CYSLTR1: variants seen among roughly 807,000 people sequenced by gnomAD.
CYSLTR1 encodes the protein cysteinyl leukotriene receptor 1.
Under a neutral mutation model 2.1 loss-of-function variants are expected in CYSLTR1, and 1 was observed. The observed-to-expected ratio is 0.48, with a 90% confidence interval of 0.17 to 2.28. The LOEUF is 2.28. Ranked by LOEUF, CYSLTR1 falls within the 30% of genes most tolerant of loss-of-function variation. CYSLTR1 has a pLI of 0.26. For synonymous variants in CYSLTR1, 110 were observed against 89.6 expected (o/e 1.23, Z -1.28); for missense variants, 299 against 250.1 (o/e 1.20, Z -1.32).
At chrX:78,320,277 A>G (rs1425367621) in intron 1 of CYSLTR1, 2 of 111,633 alleles carry the variant, frequency 1.8e-5, no homozygotes, top group Non-Finnish European at 3.8e-5. Flanking sequence ...ATCTTGAATT[A>G]ATTTTTGTAT....
chrX:78,277,806 T>C (rs1462323359), intron 2 of CYSLTR1, among the ~76,000 whole-genome samples: 1 of 112,004 alleles, frequency 8.9e-6, no homozygotes, highest in African/African-American at 3.2e-5. Flanking sequence ...TAAAGGTACA[T>C]CAGCCTACAC....
intron 1 of CYSLTR1, among the ~76,000 whole-genome samples, chrX:78,288,910 T>C (rs1363076298): frequency 1.8e-5 from 2 of 109,849 alleles, no homozygotes; most frequent in East Asian, 5.7e-4. Flanking sequence ...TATCCATGAG[T>C]TAAATTGTTT....
At chrX:78,275,339 A>T (rs999768465) in intron 2 of CYSLTR1, among the ~76,000 whole-genome samples, 5 of 112,078 alleles carry the variant, frequency 4.5e-5, no homozygotes, top group African/African-American at 1.6e-4. Context: ...CAAATGTCCA[A>T]CAATGATAGA....
At chrX:78,289,652 A>C (rs12011696) in intron 1 of CYSLTR1, among the ~76,000 whole-genome samples, 1,686 of 111,875 alleles carry the variant, frequency 0.015, 38 homozygotes, top group African/African-American at 0.052. Context: ...AATGATCGCC[A>C]TTCTAACTGG....
intron 1 of CYSLTR1, among the ~76,000 whole-genome samples, chrX:78,309,741 G>A (rs1476145932): frequency 1.8e-5 from 2 of 111,983 alleles, no homozygotes; most frequent in Non-Finnish European, 3.8e-5. Context: ...TTTATAGAAT[G>A]TTAGAGATGG....
intron 1 of CYSLTR1, among the ~76,000 whole-genome samples, chrX:78,301,760 G>A (rs1335208853): frequency 1.8e-5 from 2 of 111,808 alleles, no homozygotes; most frequent in East Asian, 5.6e-4. Context: ...CTTTACAGCA[G>A]CACCCCACTC....
chrX:78,274,473 T>C (rs1056333883), intron 2 of CYSLTR1, among the ~76,000 whole-genome samples: 8 of 111,738 alleles, frequency 7.2e-5, no homozygotes, highest in East Asian at 5.6e-4. Context: ...AAGCAAGAAA[T>C]GGGGAAAGGA....
intron 1 of CYSLTR1, among the ~76,000 whole-genome samples, chrX:78,300,201 G>A (rs1051207688): frequency 8.9e-6 from 1 of 112,056 alleles, no homozygotes; most frequent in African/African-American, 3.2e-5. Context: ...TCTTCTCTGT[G>A]TTATCTTGAA....
intron 1 of CYSLTR1, among the ~76,000 whole-genome samples, chrX:78,304,440 TACTG>T (rs1407139723): frequency 1.8e-5 from 2 of 111,498 alleles, no homozygotes; most frequent in African/African-American, 6.5e-5. Flanking sequence ...ACTATTTCAA[TACTG>T]ACTGAGTGGT....
chrX:78,307,590 C>A (rs183029605), intron 1 of CYSLTR1, among the ~76,000 whole-genome samples: 2 of 111,407 alleles, frequency 1.8e-5, no homozygotes, highest in East Asian at 5.6e-4. Flanking sequence ...AAATGAAATC[C>A]CATTATATCC....
chrX:78,303,187 C>G, intron 1 of CYSLTR1, among the ~76,000 whole-genome samples: 1 of 111,578 alleles, frequency 9.0e-6, no homozygotes, highest in Non-Finnish European at 1.9e-5. Flanking sequence ...TCCAGTTTTC[C>G]TTTCTGCTGT....
At chrX:78,305,206 T>A (rs761681064) in intron 1 of CYSLTR1, among the ~76,000 whole-genome samples, 2 of 112,142 alleles carry the variant, frequency 1.8e-5, no homozygotes, top group Non-Finnish European at 3.8e-5. Flanking sequence ...AACAAATGAG[T>A]CCTCTTTGCC....
At chrX:78,308,302 G>C (rs1923099335) in intron 1 of CYSLTR1, among the ~76,000 whole-genome samples, 1 of 111,741 alleles carries the variant, frequency 8.9e-6, no homozygotes, top group Non-Finnish European at 1.9e-5. Context: ...AAATTGGATT[G>C]AATTAAACTG....
chrX:78,287,542 G>A (rs1450172619), intron 1 of CYSLTR1, among the ~76,000 whole-genome samples: 1 of 111,506 alleles, frequency 9.0e-6, no homozygotes, highest in Non-Finnish European at 1.9e-5. Context: ...CTTACAATGG[G>A]CGAATTTTAT....
chrX:78,294,448 A>C (rs772198468), intron 1 of CYSLTR1, among the ~76,000 whole-genome samples: 4 of 112,568 alleles, frequency 3.6e-5, no homozygotes, highest in Non-Finnish European at 5.6e-5. Context: ...GACCCACTTG[A>C]GGAGGCAGTC....
chrX:78,324,001 AT>A (rs1442252780), intron 1 of CYSLTR1, among the ~76,000 whole-genome samples: 2 of 111,576 alleles, frequency 1.8e-5, no homozygotes, highest in Non-Finnish European at 1.9e-5. Context: ...AATTTAAAGT[AT>A]TTTTTTCTCT....
At chrX:78,296,992 GT>G (rs949502775) in intron 1 of CYSLTR1, among the ~76,000 whole-genome samples, 1 of 111,389 alleles carries the variant, frequency 9.0e-6, no homozygotes, top group Non-Finnish European at 1.9e-5. Flanking sequence ...AAGACTTTTA[GT>G]TTTTCCTCAT....
intron 1 of CYSLTR1, among the ~76,000 whole-genome samples, chrX:78,326,655 A>C (rs750746633): frequency 1.3e-3 from 143 of 112,578 alleles, no homozygotes; most frequent in Non-Finnish European, 2.4e-3. Flanking sequence ...GAGTTACTAA[A>C]TAGATCATGC....
chrX:78,302,506 C>T (rs1203011261), intron 1 of CYSLTR1, among the ~76,000 whole-genome samples: 1 of 111,655 alleles, frequency 9.0e-6, no homozygotes, highest in African/African-American at 3.3e-5. Context: ...TCATAGCCAC[C>T]ACAGCTGATA....
Sources: allele counts gnomAD v4.1 joint callset (sites outside exome capture counted in the v4.1 genomes callset), GRCh38; gene constraint gnomAD v4.1.1; transcripts MANE v1.5; gene names NCBI Gene and HGNC (gene_info 2026-07-23, HGNC 2026-07-21).